Variants in GLIS3 observed in about 807,000 individuals in gnomAD.
GLIS3 encodes the protein zinc finger protein GLIS3.
Under a neutral mutation model 78.6 loss-of-function variants are expected in GLIS3, and 53 were observed. The observed-to-expected ratio is 0.67, with a 90% confidence interval of 0.54 to 0.85. The LOEUF (loss-of-function observed/expected upper bound fraction) is 0.85. Among genes scored for constraint, GLIS3 ranks in the 40% least tolerant of loss-of-function variants. The pLI, the probability that GLIS3 is intolerant of heterozygous loss-of-function variation, is 0.00. For missense variants in GLIS3, 1,703 were observed against 1,231.1 expected (o/e 1.38, Z -5.74); for synonymous variants, 684 against 509.9 (o/e 1.34, Z -4.60).
At chr9:4,484,697 G>A in the GLIS3 span, among the ~76,000 whole-genome samples, 182 of 152,152 alleles carry the variant, frequency 1.2e-3, no homozygotes, top group Middle Eastern at 3.4e-3. Context: ...GATTATAGGC[G>A]TGAGCCACTG....
Position 4,214,474 on chromosome 9 carries a change from T to C in GLIS3, c.388+71564A>G, listed in dbSNP as rs554375282. Among the ~76,000 whole-genome samples the C allele has an allele frequency of 1.0e-3, 157 of 152,256 alleles. 2 individuals carry two copies. Among genetic ancestry groups the C allele is most frequent in the African/African-American group, 3.7e-3 (152 of 41,548 alleles). On this transcript the variant is annotated intron_variant, in intron 2 of 10. Transcript: ENST00000381971. ...ACATTCACCCCACATTGACTGAGAA[T>C]CTCCCTAACTGCCAGGGCTATGCTA...
At chr9:4,002,292 G>C (rs568049977) in intron 4 of GLIS3, among the ~76,000 whole-genome samples, 2 of 152,208 alleles carry the variant, frequency 1.3e-5, no homozygotes, top group African/African-American at 4.8e-5. Context: ...CCTCCAGAAG[G>C]AACCTTCTGA....
At chr9:4,168,321 G>A (rs1355843630) in intron 2 of GLIS3, among the ~76,000 whole-genome samples, 1 of 152,086 alleles carries the variant, frequency 6.6e-6, no homozygotes, top group African/African-American at 2.4e-5. Context: ...GACAAGTCAT[G>A]TCTTTAAGAT....
At chr9:4,389,279 G>C in the GLIS3 span, among the ~76,000 whole-genome samples, 1 of 152,164 alleles carries the variant, frequency 6.6e-6, no homozygotes, top group Admixed American at 6.5e-5. Flanking sequence ...TCTCCTAACA[G>C]CTCTGCTACC....
intron 4 of GLIS3, among the ~76,000 whole-genome samples, chr9:4,023,235 T>C (rs1823032988): frequency 6.6e-6 from 1 of 152,210 alleles, no homozygotes; most frequent in Non-Finnish European, 1.5e-5. Context: ...TTATCTGTTT[T>C]AGATTCTAAG....
chr9:3,981,413 T>A (rs1819272316), intron 4 of GLIS3, among the ~76,000 whole-genome samples: 2 of 152,298 alleles, frequency 1.3e-5, no homozygotes, highest in Non-Finnish European at 2.9e-5. Context: ...TTGGGAGAAC[T>A]GTCTAATTCA....
chr9:4,344,872 C>T (rs369681139), intron 2 of GLIS3, among the ~76,000 whole-genome samples: 11 of 152,294 alleles, frequency 7.2e-5, no homozygotes, highest in South Asian at 4.1e-4. Context: ...CACCCATCAG[C>T]GAATCTTACT....
intron 1 of GLIS3, among the ~76,000 whole-genome samples, chr9:4,296,907 AAAAAAAAAAAAAAAAAAAAATG>A: frequency 2.1e-4 from 1 of 4,732 alleles, no homozygotes; most frequent in Non-Finnish European, 6.8e-4. Flanking sequence ...CAATTGCAAA[AAAAAAAAAAAAAAAAAAAAATG>A]CATATAATCT....
intron 4 of GLIS3, chr9:4,305,263 G>A (rs1188769981): frequency 6.6e-6 from 1 of 152,244 alleles, no homozygotes; most frequent in Non-Finnish European, 1.5e-5. Context: ...CAGGCAGGTG[G>A]TATGTTGGAA....
chr9:4,292,592 G>C (rs1389350574), intron 1 of GLIS3, among the ~76,000 whole-genome samples: 2 of 152,140 alleles, frequency 1.3e-5, no homozygotes, highest in Non-Finnish European at 2.9e-5. Context: ...TAAAACGTAA[G>C]GATTCAATGA....
intron 2 of GLIS3, among the ~76,000 whole-genome samples, chr9:4,264,638 C>T (rs995583840): frequency 1.3e-4 from 20 of 152,106 alleles, no homozygotes; most frequent in African/African-American, 4.6e-4. Context: ...AGATGCCACA[C>T]TCTTCACTCA....
intron 4 of GLIS3, among the ~76,000 whole-genome samples, chr9:3,956,945 C>T (rs1394644760): frequency 6.6e-6 from 1 of 152,168 alleles, no homozygotes; most frequent in Non-Finnish European, 1.5e-5. Flanking sequence ...TGATTGAGCC[C>T]CCATATCTTC....
intron 2 of GLIS3, among the ~76,000 whole-genome samples, chr9:4,138,603 G>GC (rs1484131038): frequency 6.6e-6 from 1 of 152,142 alleles, no homozygotes; most frequent in Non-Finnish European, 1.5e-5. Context: ...TATGGAGGCA[G>GC]CATGGGGGAA....
At chr9:4,146,961 C>T (rs1834269779) in intron 2 of GLIS3, among the ~76,000 whole-genome samples, 1 of 152,152 alleles carries the variant, frequency 6.6e-6, no homozygotes, top group Non-Finnish European at 1.5e-5. Flanking sequence ...TGTCCCAAAG[C>T]ATCTTTAGAG....
At chr9:4,197,534 C>T (rs1818979648) in intron 2 of GLIS3, among the ~76,000 whole-genome samples, 1 of 152,144 alleles carries the variant, frequency 6.6e-6, no homozygotes, top group Admixed American at 6.5e-5. Flanking sequence ...TGCCTAGGCA[C>T]ATATCTGGGC....
intron 2 of GLIS3, among the ~76,000 whole-genome samples, chr9:4,257,708 G>A (rs1825107943): frequency 6.6e-6 from 1 of 151,728 alleles, no homozygotes; most frequent in African/African-American, 2.4e-5. Context: ...CAAGTAGCTG[G>A]GACTACAGGT....
chr9:4,320,172 T>C (rs929248861), intron 2 of GLIS3, among the ~76,000 whole-genome samples: 1 of 152,192 alleles, frequency 6.6e-6, no homozygotes, highest in African/African-American at 2.4e-5. Context: ...ACATGTCATG[T>C]TTTTTATAGG....
chr9:4,405,124 G>A, the GLIS3 span, among the ~76,000 whole-genome samples: 4 of 152,144 alleles, frequency 2.6e-5, no homozygotes, highest in East Asian at 7.7e-4. Flanking sequence ...GGAGGCCGAG[G>A]AGGGTGGATC....
chr9:4,424,768 C>A, the GLIS3 span, among the ~76,000 whole-genome samples: 1 of 151,836 alleles, frequency 6.6e-6, no homozygotes, highest in African/African-American at 2.4e-5. Flanking sequence ...CGGGATTTTG[C>A]CATGTTGCCC....
Sources: allele counts gnomAD v4.1 joint callset (sites outside exome capture counted in the v4.1 genomes callset), GRCh38; gene constraint gnomAD v4.1.1; transcripts MANE v1.5; gene names NCBI Gene and HGNC (gene_info 2026-07-23, HGNC 2026-07-21).